The following BRIP1 variants were observed in gnomAD, a reference collection of about 807,000 sequenced individuals.
BRIP1 encodes the protein BRCA1 interacting DNA helicase 1.
A neutral mutation model predicts 119.7 loss-of-function variants in BRIP1; 88 were observed. That is an observed-to-expected ratio of 0.74 (90% confidence interval 0.62 to 0.88). The LOEUF is 0.88. Among genes scored for constraint, BRIP1 ranks in the 40% least tolerant of loss-of-function variants. The pLI is 0.00. For missense variants in BRIP1, 1,259 were observed against 1,455.4 expected, an observed-to-expected ratio of 0.87 and a Z score of 2.20; for synonymous variants, 443 against 496.5, an observed-to-expected ratio of 0.89 and a Z score of 1.43.
At chr17:61,782,056 T>C (rs1299022222) in intron 11 of BRIP1, among the ~76,000 whole-genome samples, 2 of 152,012 alleles carry the variant, frequency 1.3e-5, no homozygotes, top group Non-Finnish European at 2.9e-5. Context: ...GAGAATCTTA[T>C]AAAAATACTG....
rs184034403 is a variant in BRIP1 at position 61,843,980 on chromosome 17, A to C, written c.627+3121T>G. Among the ~76,000 whole-genome samples the C allele has an allele frequency of 6.6e-6, 1 of 152,066 alleles. No homozygotes were observed. The highest frequency in any genetic ancestry group is 1.9e-4 in the East Asian group (1 of 5,160). ...CGCTCTGTCACCCAGACTGGAGTAC[A>C]GTGGTTCAATCATAGTTCAATACAG... On this transcript the variant is annotated intron_variant, in intron 6 of 19. Coordinates refer to ENST00000259008, the MANE Select transcript of BRIP1 (RefSeq NM_032043.3). This position sits in a 1 kb window ranked among gnomAD's most constrained non-coding sequence, Gnocchi z 5.7.
rs2078387326 is a variant in BRIP1, at chr17:61,825,243, C to G, written c.628-16486G>C. Among the ~76,000 whole-genome samples the G allele has an allele frequency of 1.3e-5, 2 of 151,716 alleles. No individual in the cohort carries two copies. The highest frequency in any genetic ancestry group is 2.9e-5 in the Non-Finnish European group (2 of 67,946). Reference sequence around the variant, plus strand: ...GAGCTTGCAGTGACCCAAGATTGTGCCACTGCACTCCAGCCTGGGCGACAG... The same window carrying G: ...GAGCTTGCAGTGACCCAAGATTGTGGCACTGCACTCCAGCCTGGGCGACAG... On this transcript the variant is annotated intron_variant, in intron 6 of 19. Coordinates refer to ENST00000259008, the MANE Select transcript of BRIP1 (RefSeq NM_032043.3). The surrounding 1 kb of genome is among the most constrained non-coding windows in gnomAD (Gnocchi z 4.1).
At chr17:61,797,437 T>C (rs1252686491) in intron 9 of BRIP1, among the ~76,000 whole-genome samples, 2 of 152,034 alleles carry the variant, frequency 1.3e-5, no homozygotes, top group African/African-American at 4.8e-5. Flanking sequence ...CAATAACCTC[T>C]GTATTTGGCA....
At chr17:61,783,397 A>C (rs2077653251) in intron 11 of BRIP1, among the ~76,000 whole-genome samples, 1 of 152,160 alleles carries the variant, frequency 6.6e-6, no homozygotes, top group African/African-American at 2.4e-5. Context: ...GATGAGGGGA[A>C]AGACTCTAGG....
intron 10 of BRIP1, among the ~76,000 whole-genome samples, chr17:61,791,537 C>CCAACAATGAA (rs2077817979): frequency 7.0e-6 from 1 of 143,232 alleles, no homozygotes; most frequent in African/African-American, 2.6e-5. Flanking sequence ...TTGTCATCTC[C>CCAACAATGAA]CAACAATGAA....
rs772087074 is a variant in BRIP1, at chr17:61,685,955, A to C, written c.2786T>G (p.Leu929Arg). 2 of 1,614,074 alleles carry C rather than the reference A, an allele frequency of 1.2e-6. No individual in the cohort carries two copies. Among genetic ancestry groups the C allele is most frequent in the South Asian group, 2.2e-5 (2 of 91,074 alleles). Residue 929 changes from leucine to arginine, a missense_variant, in exon 19 of 20, where the codon CTA becomes CGA. Physicochemically the swap from Leu to Arg is moderately radical, Grantham distance 102 (BLOSUM62 -2). This residue lies in a region of BRIP1 where 753 missense variants were observed against 891.8 expected (regional missense o/e 0.84). Transcript: ENST00000259008. The part of the protein sequence containing the change: ...SPYLLEAASH[L>R]SPENFVEDEA... ...ATCTTCCACAAAATTTTCTGGTGAT[A>C]GATGACTTGCTGCTTCCAGTAAATA...
Position 61,725,122 on chromosome 17 carries a change from AGT to A in BRIP1, c.2380-9061_2380-9060del, listed in dbSNP as rs57246896. 0.26 allele frequency among the ~76,000 whole-genome samples: 38,810 copies of A among 150,816 alleles called. 5,478 individuals are homozygous for A. The highest frequency in any genetic ancestry group is 0.43 in the Admixed American group (6,506 of 15,086). ...AGATTTCTGACACAGTTAACCAAAT[AGT>A]GTGTGTGTGTGTGTGTGTGTGTATA... On this transcript the variant is annotated intron_variant, in intron 16 of 19. Coordinates refer to ENST00000259008, the MANE Select transcript of BRIP1 (RefSeq NM_032043.3). The surrounding 1 kb of genome is among the most constrained non-coding windows in gnomAD (Gnocchi z 5.3).
In BRIP1 at chr17:61,778,076, A is replaced by G. The variant is rs1429411298; in HGVS notation, c.1936-1514T>C. ...AAATGGAGTGGAAGACCAAATATAT[A>G]TATTATAAATCACAGGCATATACAC... On this transcript the variant is annotated intron_variant, in intron 13 of 19. Coordinates refer to ENST00000259008, the MANE Select transcript of BRIP1 (RefSeq NM_032043.3). This position sits in a 1 kb window ranked among gnomAD's most constrained non-coding sequence, Gnocchi z 4.4. Among the ~76,000 whole-genome samples the G allele has an allele frequency of 6.6e-6, 1 of 152,204 alleles. No homozygotes were observed. The highest frequency in any genetic ancestry group is 2.4e-5 in the African/African-American group (1 of 41,450).
intron 19 of BRIP1, chr17:61,685,281 T>G (rs1417037464): frequency 6.6e-6 from 1 of 152,366 alleles, no homozygotes; most frequent in Non-Finnish European, 1.5e-5. Context: ...GGCCACAGTT[T>G]GCCAATCTGA....
At chr17:61,728,552 G>A (rs2076801228) in intron 16 of BRIP1, among the ~76,000 whole-genome samples, 1 of 152,140 alleles carries the variant, frequency 6.6e-6, no homozygotes, top group Admixed American at 6.6e-5. Context: ...TGGGACATAA[G>A]CCAGTTTGAC....
rs927370457 is a variant in BRIP1, at chr17:61,713,310, A to C, written c.2492+2641T>G. Among the ~76,000 whole-genome samples, 1 of 128,256 alleles carries C rather than the reference A, an allele frequency of 7.8e-6. No homozygotes were observed. The highest frequency in any genetic ancestry group is 1.7e-5 in the Non-Finnish European group (1 of 57,980). The allele number at this position is 128,256 out of a possible 152,430, so 84.1% of individuals were successfully genotyped here. ...ACAGTGTACTCCTTTCACTTACATT[A>C]AAAAAAAAGTTAACTATAAAACAGC... On this transcript the variant is annotated intron_variant, in intron 17 of 19. Transcript: ENST00000259008. The surrounding 1 kb of genome is among the most constrained non-coding windows in gnomAD (Gnocchi z 4.9).
Position 61,759,202 on chromosome 17 carries a change from G to A in BRIP1, c.2098-14611C>T, listed in dbSNP as rs2077241763. Reference sequence around the variant, plus strand: ...CTACAAGAGATTTGCTTTTAAGGATGCACAGAGGCTGAAAGTGAGCAGCTG... The same window carrying A: ...CTACAAGAGATTTGCTTTTAAGGATACACAGAGGCTGAAAGTGAGCAGCTG... On this transcript the variant is annotated intron_variant, in intron 14 of 19. Transcript: ENST00000259008. This position sits in a 1 kb window ranked among gnomAD's most constrained non-coding sequence, Gnocchi z 4.9. Among the ~76,000 whole-genome samples, 1 of 151,992 alleles carries A rather than the reference G, an allele frequency of 6.6e-6. No homozygotes were observed. Among genetic ancestry groups the A allele is most frequent in the African/African-American group, 2.4e-5 (1 of 41,402 alleles).
chr17:61,816,684 G>A lies in BRIP1; in HGVS notation c.628-7927C>T. Among the ~76,000 whole-genome samples, 1 of 152,144 alleles carries A rather than the reference G, an allele frequency of 6.6e-6. No individual in the cohort carries two copies. Among genetic ancestry groups the A allele is most frequent in the East Asian group, 1.9e-4 (1 of 5,204 alleles). On this transcript the variant is annotated intron_variant, in intron 6 of 19. Coordinates refer to ENST00000259008, the MANE Select transcript of BRIP1 (RefSeq NM_032043.3). The surrounding 1 kb of genome is among the most constrained non-coding windows in gnomAD (Gnocchi z 5.0). ...TTTACATAGATGTGATTATAGCAAT[G>A]AGTCTCAAAGCAGTGATGAGTCACA...
Position 61,801,276 on chromosome 17 carries a change from GA to G in BRIP1, c.1116del (p.Leu373Ter). ...ACACTTTCCCTTATTTGTGCATCTA[GA>G]AGATAGTTGTAGGGACAAAATATGA... ...ADIIFCPYNY[L>X]LDAQIRESMD... On this transcript the variant is annotated frameshift_variant, in exon 8 of 20. Transcript: ENST00000259008. LOFTEE classifies it high-confidence loss of function. 1 of 1,613,536 alleles carries G rather than the reference GA, an allele frequency of 6.2e-7. No individual in the cohort carries two copies.
Position 61,769,289 on chromosome 17 carries a change from T to C in BRIP1, c.2097+7112A>G, listed in dbSNP as rs1326780588. 6.6e-6 allele frequency among the ~76,000 whole-genome samples: 1 copy of C among 152,208 alleles called. No individual in the cohort carries two copies. The highest frequency in any genetic ancestry group is 2.4e-5 in the African/African-American group (1 of 41,458). On this transcript the variant is annotated intron_variant, in intron 14 of 19. Coordinates refer to ENST00000259008, the MANE Select transcript of BRIP1 (RefSeq NM_032043.3). The surrounding 1 kb of genome is among the most constrained non-coding windows in gnomAD (Gnocchi z 4.9). ...ATAAATGTGTACTGTTTTACGGTGCTAATTTTGTGGTAATTTGTTATGCAG... is the reference window on the plus strand; with the variant it reads ...ATAAATGTGTACTGTTTTACGGTGCCAATTTTGTGGTAATTTGTTATGCAG...
intron 17 of BRIP1, among the ~76,000 whole-genome samples, chr17:61,707,857 T>A (rs2061715980): frequency 6.6e-6 from 1 of 151,952 alleles, no homozygotes; most frequent in South Asian, 2.1e-4. Flanking sequence ...ACATTTTTTT[T>A]TTTTTTTGAG....
chr17:61,813,758 C>T (rs550506623), intron 6 of BRIP1, among the ~76,000 whole-genome samples: 1 of 152,100 alleles, frequency 6.6e-6, no homozygotes, highest in South Asian at 2.1e-4. Context: ...TTCATTGACT[C>T]AAGAGACATT....
intron 16 of BRIP1, among the ~76,000 whole-genome samples, chr17:61,737,134 C>CA (rs1285637180): frequency 6.6e-6 from 1 of 151,746 alleles, no homozygotes; most frequent in Admixed American, 6.6e-5. Context: ...CAACTAAATA[C>CA]AAAAAAGGAA....
In BRIP1 at chr17:61,724,005, G is replaced by T. The variant is rs772222030; in HGVS notation, c.2380-7942C>A. Among the ~76,000 whole-genome samples, 1 of 151,942 alleles carries T rather than the reference G, an allele frequency of 6.6e-6. No individual in the cohort carries two copies. Among genetic ancestry groups the T allele is most frequent in the Non-Finnish European group, 1.5e-5 (1 of 67,990 alleles). On this transcript the variant is annotated intron_variant, in intron 16 of 19. Coordinates refer to ENST00000259008, the MANE Select transcript of BRIP1 (RefSeq NM_032043.3). This position sits in a 1 kb window ranked among gnomAD's most constrained non-coding sequence, Gnocchi z 5.1. ...TAGCTGCTTGAGTTTGCAACCCATT[G>T]GTTCAGATGCTGCATAGATTCACAA...
Sources: gnomAD v4.1 joint callset for allele counts (sites outside exome capture counted in the v4.1 genomes callset) on GRCh38, gnomAD v4.1.1 for gene constraint, gnomAD v4.1.1 regional missense constraint, Gnocchi (gnomAD v3.1) non-coding constraint, MANE v1.5 for transcripts, NCBI Gene and HGNC (gene_info 2026-07-23, HGNC 2026-07-21) for gene names.